SCHIP1: variants seen among roughly 807,000 people sequenced by gnomAD.
SCHIP1 encodes the protein schwannomin-interacting protein 1.
Under a neutral mutation model 29.7 loss-of-function variants are expected in SCHIP1, and 8 were observed. That is an observed-to-expected ratio of 0.27 (90% CI 0.16 to 0.49). The LOEUF (loss-of-function observed/expected upper bound fraction) is 0.49. Ranked by LOEUF, SCHIP1 falls within the 20% of genes least tolerant of loss-of-function variation. SCHIP1 has a pLI of 0.99. For synonymous variants in SCHIP1, 76 were observed against 94.9 expected (o/e 0.80, Z 1.16); for missense variants, 193 against 294.6 (o/e 0.66, Z 2.52).
At chr3:159,422,679 A>T in the SCHIP1 span, among the ~76,000 whole-genome samples, 94 of 152,212 alleles carry the variant, frequency 6.2e-4, no homozygotes, top group African/African-American at 2.2e-3. Flanking sequence ...TTTGTTCTTT[A>T]TGTAAATGGA....
chr3:159,295,055 A>G, the SCHIP1 span, among the ~76,000 whole-genome samples: 8 of 152,064 alleles, frequency 5.3e-5, no homozygotes, highest in Admixed American at 2.0e-4. Context: ...ATCCGACAGC[A>G]TATTAGCCTA....
At chr3:159,615,438 A>G in the SCHIP1 span, among the ~76,000 whole-genome samples, 5 of 152,208 alleles carry the variant, frequency 3.3e-5, no homozygotes, top group Admixed American at 6.5e-5. Flanking sequence ...GCTGATTAGG[A>G]GACTGTTTCG....
intron 6 of SCHIP1, 64 bp downstream of exon 7, chr3:159,892,254 G>A: frequency 6.3e-7 from 1 of 1,586,304 alleles, no homozygotes; most frequent in South Asian, 1.1e-5. Flanking sequence ...CTAAGAATTA[G>A]GCAAAAACTA....
the SCHIP1 span, among the ~76,000 whole-genome samples, chr3:159,407,238 T>C: frequency 6.6e-6 from 1 of 152,180 alleles, no homozygotes; most frequent in Non-Finnish European, 1.5e-5. Context: ...GTAGTAGCTA[T>C]ACTTATATCA....
chr3:159,295,103 A>G, the SCHIP1 span, among the ~76,000 whole-genome samples: 226 of 152,180 alleles, frequency 1.5e-3, no homozygotes, highest in African/African-American at 5.3e-3. Context: ...ACATAAAAGA[A>G]GAGTCCAATA....
At chr3:159,604,321 G>T in the SCHIP1 span, among the ~76,000 whole-genome samples, 192 of 152,256 alleles carry the variant, frequency 1.3e-3, no homozygotes, top group African/African-American at 4.4e-3. Context: ...GACGATTATT[G>T]TATCTTCCCT....
At chr3:159,498,407 G>A in the SCHIP1 span, among the ~76,000 whole-genome samples, 1 of 152,266 alleles carries the variant, frequency 6.6e-6, no homozygotes, top group Admixed American at 6.5e-5. Context: ...AAAAAGAAAA[G>A]GTTAGGCAGA....
At chr3:159,407,899 T>C in the SCHIP1 span, among the ~76,000 whole-genome samples, 1 of 151,760 alleles carries the variant, frequency 6.6e-6, no homozygotes, top group African/African-American at 2.4e-5. Context: ...CTAAGAGAAG[T>C]TTTGGCTTTG....
chr3:159,699,979 G>A, the SCHIP1 span, among the ~76,000 whole-genome samples: 189 of 152,170 alleles, frequency 1.2e-3, no homozygotes, highest in African/African-American at 4.5e-3. Context: ...AGATACAATG[G>A]GTGCAATTGG....
chr3:159,484,646 A>T, the SCHIP1 span, among the ~76,000 whole-genome samples: 1 of 152,314 alleles, frequency 6.6e-6, no homozygotes, highest in East Asian at 1.9e-4. Context: ...GAGAAACTCT[A>T]TTTAAATATC....
chr3:159,804,334 G>C, the SCHIP1 span, among the ~76,000 whole-genome samples: 1 of 152,194 alleles, frequency 6.6e-6, no homozygotes, highest in African/African-American at 2.4e-5. Flanking sequence ...GTTGCAGGGA[G>C]CCTCCTTGTC....
chr3:159,275,938 A>G, the SCHIP1 span, among the ~76,000 whole-genome samples: 2 of 152,164 alleles, frequency 1.3e-5, no homozygotes, highest in Non-Finnish European at 2.9e-5. Context: ...ATATGCTCCC[A>G]GATCTCTTTA....
chr3:159,665,972 C>T, the SCHIP1 span, among the ~76,000 whole-genome samples: 1 of 152,166 alleles, frequency 6.6e-6, no homozygotes, highest in African/African-American at 2.4e-5. Context: ...CCATGCTACT[C>T]TGCAGAGGGA....
chr3:159,347,455 T>C, the SCHIP1 span, among the ~76,000 whole-genome samples: 1 of 152,208 alleles, frequency 6.6e-6, no homozygotes, highest in Non-Finnish European at 1.5e-5. Flanking sequence ...GAAACGATAA[T>C]ACCTGTCTAC....
At chr3:159,682,359 G>A in the SCHIP1 span, among the ~76,000 whole-genome samples, 14 of 152,116 alleles carry the variant, frequency 9.2e-5, no homozygotes, top group Admixed American at 5.9e-4. Context: ...AAAATGACTC[G>A]AGAAAAGGGC....
chr3:159,421,897 A>ATTTTT, the SCHIP1 span, among the ~76,000 whole-genome samples: 23 of 152,206 alleles, frequency 1.5e-4, no homozygotes, highest in Non-Finnish European at 3.1e-4. Flanking sequence ...AACACAATTA[A>ATTTTT]GTCATGTTGC....
At chr3:159,312,061 G>A in the SCHIP1 span, among the ~76,000 whole-genome samples, 1 of 152,102 alleles carries the variant, frequency 6.6e-6, no homozygotes, top group Non-Finnish European at 1.5e-5. Flanking sequence ...ACAGAGTATT[G>A]TACATTGTGT....
At chr3:159,803,050 A>G in the SCHIP1 span, among the ~76,000 whole-genome samples, 7 of 152,286 alleles carry the variant, frequency 4.6e-5, no homozygotes, top group East Asian at 1.4e-3. Flanking sequence ...GTCACACGTG[A>G]CACCTCTGCT....
chr3:159,412,083 A>G, the SCHIP1 span, among the ~76,000 whole-genome samples: 3 of 152,190 alleles, frequency 2.0e-5, no homozygotes, highest in African/African-American at 4.8e-5. Context: ...ATAAACTTCA[A>G]AACAAACCAA....
Sources: allele counts gnomAD v4.1 joint callset (sites outside exome capture counted in the v4.1 genomes callset), GRCh38; gene constraint gnomAD v4.1.1; transcripts MANE v1.5; gene names NCBI Gene and HGNC (gene_info 2026-07-23, HGNC 2026-07-21).